The following CDK17 variants were observed in gnomAD, a reference collection of about 807,000 sequenced individuals.
The protein encoded by CDK17 is cyclin-dependent kinase 17.
Under a neutral mutation model 77.6 loss-of-function variants are expected in CDK17, and 24 were observed. The ratio of observed to expected loss-of-function variants is 0.31; its 90% CI spans 0.22 to 0.44. CDK17 has a LOEUF of 0.44. Ranked by LOEUF, CDK17 falls within the 20% of genes least tolerant of loss-of-function variation. CDK17 has a pLI of 1.00. For synonymous variants in CDK17, 203 were observed against 210.4 expected (o/e 0.96, Z 0.30); for missense variants, 429 against 622.5 (o/e 0.69, Z 3.31).
intron 1 of CDK17, among the ~76,000 whole-genome samples, chr12:96,364,532 T>C (rs1284131731): frequency 6.6e-6 from 1 of 152,242 alleles, no homozygotes; most frequent in African/African-American, 2.4e-5. Context: ...ATCCATTTCA[T>C]TGAGGACTCC....
Position 96,280,069 on chromosome 12 carries a change from G to T in CDK17, c.*173C>A. 1 of 613,760 alleles carries T rather than the reference G, an allele frequency of 1.6e-6. No individual in the cohort carries two copies. Among genetic ancestry groups the T allele is most frequent in the South Asian group, 3.2e-5 (1 of 30,838 alleles). The allele number at this position is 613,760 out of a possible 1,614,324, so 38.0% of individuals were successfully genotyped here. On this transcript the variant is annotated 3_prime_UTR_variant, in exon 17 of 17. Transcript: ENST00000261211. ...ACTGTACAAAAAATTGTCACACTGT[G>T]ACAACAAATATAAAAACAATCTGTA...
At position 96,316,686 on chromosome 12, in the gene CDK17, A is replaced by G. The variant is rs1952727098; in HGVS notation, c.284-3232T>C. ...GCAGCCTAACTGTGAGGCACCCCCCAGCAGGGGCACACTGACACCTCACAC... is the reference window on the plus strand; with the variant it reads ...GCAGCCTAACTGTGAGGCACCCCCCGGCAGGGGCACACTGACACCTCACAC... On this transcript the variant is annotated intron_variant, in intron 3 of 16. Transcript: ENST00000261211. 1.6e-5 allele frequency among the ~76,000 whole-genome samples: 2 copies of G among 127,168 alleles called. 1 individual carries two copies. The highest frequency in any genetic ancestry group is 3.4e-5 in the Non-Finnish European group (2 of 59,638). The allele number at this position is 127,168 out of a possible 152,430, so 83.4% of individuals were successfully genotyped here.
Position 96,282,556 on chromosome 12 carries a change from T to G in CDK17, c.1409A>C (p.His470Pro). ...KRVSAEEAMK[H>P]VYFRSLGPRI... ...TGGTCCCAGACTTCGAAAGTACACA[T>G]GTTTCATGGCCTCTTCAGCTGAAAC... Residue 470 changes from histidine (H) to proline (P), a missense_variant, in exon 15 of 17, where the codon CAT becomes CCT. Around this residue, in one of 4 missense-constraint regions of CDK17, gnomAD observed 115 missense variants for 124.2 expected, o/e 0.93. Coordinates refer to ENST00000261211, the MANE Select transcript of CDK17 (RefSeq NM_002595.5). 1.2e-6 allele frequency: 2 copies of G among 1,613,200 alleles called. No individual in the cohort carries two copies. Among genetic ancestry groups the G allele is most frequent in the Non-Finnish European group, 8.5e-7 (1 of 1,179,158 alleles).
chr12:96,388,561 G>C (rs1954013724), intron 1 of CDK17, among the ~76,000 whole-genome samples: 1 of 152,120 alleles, frequency 6.6e-6, no homozygotes, highest in Non-Finnish European at 1.5e-5. Flanking sequence ...TTGTCCTTGT[G>C]AATCACTGAT....
chr12:96,315,836 T>C (rs189382204), intron 3 of CDK17, among the ~76,000 whole-genome samples: 19 of 152,054 alleles, frequency 1.2e-4, no homozygotes, highest in Non-Finnish European at 2.6e-4. Flanking sequence ...GGATAAAAAA[T>C]GAAGCCCTGG....
intron 1 of CDK17, among the ~76,000 whole-genome samples, chr12:96,351,393 C>T: frequency 6.6e-6 from 1 of 150,564 alleles, no homozygotes; most frequent in Middle Eastern, 3.5e-3. Flanking sequence ...TTATTCACAA[C>T]AGCCAAAAGG....
At chr12:96,380,918 CAT>C (rs1348533631) in intron 1 of CDK17, among the ~76,000 whole-genome samples, 1 of 152,044 alleles carries the variant, frequency 6.6e-6, no homozygotes, top group Non-Finnish European at 1.5e-5. Flanking sequence ...CCCTTTTTTA[CAT>C]GTTCTTTTAT....
intron 1 of CDK17, among the ~76,000 whole-genome samples, chr12:96,371,683 G>A (rs1159847993): frequency 6.6e-6 from 1 of 151,978 alleles, no homozygotes; most frequent in East Asian, 1.9e-4. Flanking sequence ...GGTGAGCCGA[G>A]ATCAGGCCAT....
chr12:96,324,038 A>G lies in CDK17; in HGVS notation c.193T>C (p.Phe65Leu). 6.2e-7 allele frequency: 1 copy of G among 1,612,274 alleles called. No homozygotes were observed. The highest frequency in any genetic ancestry group is 8.5e-7 in the Non-Finnish European group (1 of 1,179,148). ...GGTCTCCGCAATGGGGGCTTCTTGA[A>G]AGATCCTGTGTACTGGTGGAGGAAG... ...HSFLHQYTGS[F>L]KKPPLRRPHS... The change falls in exon 3 of 17, where the codon TTC (phenylalanine) becomes CTC (leucine). Residue 65 changes from phenylalanine to leucine, a missense_variant. Physicochemically the swap from Phe to Leu is conservative, Grantham distance 22. Transcript: ENST00000261211.
At chr12:96,360,132 T>G (rs1246777003) in intron 1 of CDK17, among the ~76,000 whole-genome samples, 1 of 152,130 alleles carries the variant, frequency 6.6e-6, no homozygotes, top group African/African-American at 2.4e-5. Context: ...CACTAAATAA[T>G]GGAGAGGAAA....
chr12:96,341,772 A>C (rs1200660897), intron 1 of CDK17, among the ~76,000 whole-genome samples: 5 of 152,198 alleles, frequency 3.3e-5, no homozygotes, highest in Non-Finnish European at 5.9e-5. Flanking sequence ...TAGATGTTCT[A>C]GTATGAGTCT....
chr12:96,323,918 G>T (rs1250841486), intron 3 of CDK17, 30 bp downstream of exon 3: 1 of 1,506,788 alleles, frequency 6.6e-7, no homozygotes, highest in Non-Finnish European at 8.9e-7. Flanking sequence ...AATCAGAAAG[G>T]TAAACACAAC....
intron 1 of CDK17, among the ~76,000 whole-genome samples, chr12:96,388,944 TCATCACCAAGGGGATGGTGCTA>T (rs1259289578): frequency 6.6e-6 from 1 of 152,082 alleles, no homozygotes; most frequent in African/African-American, 2.4e-5. Flanking sequence ...ATGAACTCAC[TCATCACCAAGGGGATGGTGCTA>T]AGCCATTCAT....
intron 2 of CDK17, among the ~76,000 whole-genome samples, chr12:96,332,677 G>A (rs1344927797): frequency 6.6e-6 from 1 of 152,100 alleles, no homozygotes; most frequent in Non-Finnish European, 1.5e-5. Flanking sequence ...AGCAATCTTT[G>A]TAACCCAAGA....
chr12:96,359,900 A>C (rs1953466460), intron 1 of CDK17, among the ~76,000 whole-genome samples: 1 of 152,214 alleles, frequency 6.6e-6, no homozygotes, highest in South Asian at 2.1e-4. Context: ...AAATCCCTAT[A>C]AAGTAAACCG....
rs558906136 is a variant in CDK17 at position 96,379,950 on chromosome 12, C to T, written c.-30+20036G>A. ...TTGAAAGGCCAAGGCAGGAGGATCG[C>T]TTGAGCCAAGGAGTTTGAAACCAGC... On this transcript the variant is annotated intron_variant, in intron 1 of 16. Coordinates refer to ENST00000261211, the MANE Select transcript of CDK17 (RefSeq NM_002595.5). Among the ~76,000 whole-genome samples, 8 of 152,030 alleles carry T rather than the reference C, an allele frequency of 5.3e-5. No homozygotes were observed. In the South Asian group the frequency reaches 1.7e-3, roughly 32 times the overall value.
At chr12:96,357,533 G>A (rs901218285) in intron 1 of CDK17, among the ~76,000 whole-genome samples, 2 of 152,148 alleles carry the variant, frequency 1.3e-5, no homozygotes, top group South Asian at 2.1e-4. Context: ...ACTCTCGGTC[G>A]TGAGTGTGCA....
chr12:96,297,118 G>C (rs927268424), intron 9 of CDK17, 152 bp downstream of exon 9: 2 of 522,146 alleles, frequency 3.8e-6, no homozygotes, highest in Non-Finnish European at 6.8e-6. Flanking sequence ...AGAAGTTCTG[G>C]GTAAATATTG....
At chr12:96,307,071 G>A (rs1227328900) in intron 5 of CDK17, among the ~76,000 whole-genome samples, 1 of 152,182 alleles carries the variant, frequency 6.6e-6, no homozygotes, top group Non-Finnish European at 1.5e-5. Flanking sequence ...TGTGGCAGGA[G>A]GATCACCTGA....
Sources: allele counts gnomAD v4.1 joint callset (sites outside exome capture counted in the v4.1 genomes callset), GRCh38; gene constraint gnomAD v4.1.1; regional missense constraint gnomAD v4.1.1; transcripts MANE v1.5; gene names NCBI Gene and HGNC (gene_info 2026-07-23, HGNC 2026-07-21).